Variants in FSTL5 observed in about 807,000 individuals in gnomAD.
FSTL5 encodes follistatin-related protein 5.
In FSTL5, 62 loss-of-function variants were observed where a neutral mutation model predicts 89.1. That is an observed-to-expected ratio of 0.70 (90% confidence interval 0.57 to 0.86). FSTL5 has a LOEUF of 0.86. Among genes scored for constraint, FSTL5 ranks in the 40% least tolerant of loss-of-function variants. The pLI, the probability that FSTL5 is intolerant of heterozygous loss-of-function variation, is 0.00. For synonymous variants in FSTL5, 383 were observed against 346.2 expected, an observed-to-expected ratio of 1.11 and a Z score of -1.18; for missense variants, 1,057 against 1,001.6, an observed-to-expected ratio of 1.06 and a Z score of -0.75.
chr4:161,748,631 C>G (rs1168105756), intron 6 of FSTL5, among the ~76,000 whole-genome samples: 1 of 117,508 alleles, frequency 8.5e-6, no homozygotes, highest in African/African-American at 3.1e-5. Flanking sequence ...TTTTTTTTCT[C>G]AGACTGAACA....
chr4:161,459,426 T>A, intron 13 of FSTL5, 107 bp from the exon 14 acceptor site: 1 of 632,792 alleles, frequency 1.6e-6, no homozygotes, highest in Non-Finnish European at 2.7e-6. Flanking sequence ...AAAAATTTAA[T>A]TTGCCAAATA....
chr4:161,877,698 C>T (rs376602010), intron 4 of FSTL5, among the ~76,000 whole-genome samples: 10 of 151,736 alleles, frequency 6.6e-5, no homozygotes, highest in African/African-American at 2.4e-4. Context: ...TTGTGGCGGG[C>T]CCCTGTAGTC....
At chr4:161,538,048 ATTT>A in intron 10 of FSTL5, 115 bp downstream of exon 10, 7 of 852,982 alleles carry the variant, frequency 8.2e-6, no homozygotes, top group Non-Finnish European at 1.3e-5. Flanking sequence ...TATAAAATCT[ATTT>A]GTTATAATGC....
At chr4:161,807,979 G>C (rs1730019784) in intron 4 of FSTL5, among the ~76,000 whole-genome samples, 1 of 152,122 alleles carries the variant, frequency 6.6e-6, no homozygotes, top group Non-Finnish European at 1.5e-5. Flanking sequence ...CAAAGAGCAC[G>C]AATAATATTT....
chr4:161,632,349 G>A lies in FSTL5; in HGVS notation c.894+23979C>T, dbSNP rs1000169284. 3.3e-5 allele frequency among the ~76,000 whole-genome samples: 5 copies of A among 152,166 alleles called. No homozygotes were observed. In the South Asian group the frequency reaches 1.0e-3, roughly 32 times the overall value. ...GAGCAGAGATCACGCCACTGTGTTCGAGCCCTGGCGACAGACTGAGACTCC... is the reference window on the plus strand; with the variant it reads ...GAGCAGAGATCACGCCACTGTGTTCAAGCCCTGGCGACAGACTGAGACTCC... On this transcript the variant is annotated intron_variant, in intron 7 of 15. Coordinates refer to ENST00000306100, the MANE Select transcript of FSTL5 (RefSeq NM_020116.5).
intron 4 of FSTL5, 88 bp from the exon 5 acceptor site, chr4:161,776,162 A>ATTTATAATTATGT: frequency 1.5e-6 from 1 of 672,204 alleles, no homozygotes; most frequent in South Asian, 3.5e-5. Flanking sequence ...TTTTATGAAT[A>ATTTATAATTATGT]ACATACTATG....
At chr4:161,691,578 A>G (rs774956646) in intron 6 of FSTL5, among the ~76,000 whole-genome samples, 1 of 152,140 alleles carries the variant, frequency 6.6e-6, no homozygotes, top group Non-Finnish European at 1.5e-5. Flanking sequence ...TTTTGATAGG[A>G]ATTCCACTTA....
intron 6 of FSTL5, among the ~76,000 whole-genome samples, chr4:161,706,194 A>G (rs1272481601): frequency 6.6e-6 from 1 of 151,102 alleles, no homozygotes; most frequent in Non-Finnish European, 1.5e-5. Context: ...ATTATCTATC[A>G]AATCATTTGG....
chr4:161,405,668 G>A (rs564245381), intron 15 of FSTL5, among the ~76,000 whole-genome samples: 3 of 152,084 alleles, frequency 2.0e-5, no homozygotes, highest in African/African-American at 7.2e-5. Context: ...ATTTACTAAC[G>A]TACATGAATC....
At chr4:161,395,450 G>A (rs1228082868) in intron 15 of FSTL5, among the ~76,000 whole-genome samples, 1 of 151,964 alleles carries the variant, frequency 6.6e-6, no homozygotes, top group East Asian at 1.9e-4. Context: ...AATTAAAAAT[G>A]ACTGAAATAA....
At chr4:162,129,222 G>A (rs1222006796) in intron 1 of FSTL5, among the ~76,000 whole-genome samples, 2 of 152,074 alleles carry the variant, frequency 1.3e-5, no homozygotes, top group Non-Finnish European at 2.9e-5. Flanking sequence ...TGTGAACGAC[G>A]GCGCCTGGCC....
rs371088449 is a variant in FSTL5, at chr4:161,447,916, C to T, written c.1841+7088G>A. Among the ~76,000 whole-genome samples the T allele has an allele frequency of 2.6e-5, 4 of 152,046 alleles. No homozygotes were observed. The East Asian group carries it at 7.7e-4, about 29-fold the overall frequency. ...TTGACAAACAATTTATGAATATCTT[C>T]TGTTTTCAGATAGTGAAGTAGCTCT... is the stretch of plus-strand genomic sequence containing the variant. On this transcript the variant is annotated intron_variant, in intron 15 of 15. Coordinates refer to ENST00000306100, the MANE Select transcript of FSTL5 (RefSeq NM_020116.5).
intron 6 of FSTL5, among the ~76,000 whole-genome samples, chr4:161,723,429 A>T (rs1377611127): frequency 6.6e-6 from 1 of 152,238 alleles, no homozygotes; most frequent in African/African-American, 2.4e-5. Context: ...TCTCAAGGAC[A>T]TCAACAATCT....
In FSTL5 at chr4:161,699,338, T is replaced by C. The variant is rs146018946; in HGVS notation, c.728-42844A>G. ...ATAGAAATATTTTCACTATCAATTA[T>C]ATAATATTCAACATTTGCTGAACAT... is the stretch of plus-strand genomic sequence containing the variant. On this transcript the variant is annotated intron_variant, in intron 6 of 15. Transcript: ENST00000306100. Among the ~76,000 whole-genome samples the C allele has an allele frequency of 4.1e-3, 620 of 152,316 alleles. 3 individuals carry two copies. Among genetic ancestry groups the C allele is most frequent in the Middle Eastern group, 0.014 (4 of 294 alleles).
intron 3 of FSTL5, among the ~76,000 whole-genome samples, chr4:161,969,902 G>T (rs1379716439): frequency 6.6e-6 from 1 of 152,034 alleles, no homozygotes; most frequent in Non-Finnish European, 1.5e-5. Context: ...AAAAAATATG[G>T]TGTATGTTTG....
chr4:161,548,566 C>G (rs1732085925), intron 8 of FSTL5, among the ~76,000 whole-genome samples: 1 of 151,754 alleles, frequency 6.6e-6, no homozygotes, highest in South Asian at 2.1e-4. Flanking sequence ...TGAGTGTATA[C>G]TTCTTGAACT....
At chr4:162,013,747 T>C (rs1736836110) in intron 3 of FSTL5, among the ~76,000 whole-genome samples, 1 of 152,272 alleles carries the variant, frequency 6.6e-6, no homozygotes, top group East Asian at 1.9e-4. Flanking sequence ...GATTAAATTA[T>C]GTAAATAAAT....
chr4:161,616,801 A>G (rs1578970130), intron 7 of FSTL5, among the ~76,000 whole-genome samples: 1 of 149,780 alleles, frequency 6.7e-6, no homozygotes, highest in East Asian at 1.9e-4. Flanking sequence ...AACCACCCTG[A>G]CACATGTTTA....
chr4:161,734,356 C>T (rs1739718367), intron 6 of FSTL5, among the ~76,000 whole-genome samples: 1 of 152,136 alleles, frequency 6.6e-6, no homozygotes, highest in South Asian at 2.1e-4. Context: ...ATATACACCA[C>T]ATTGAAGCAA....
Sources: allele counts gnomAD v4.1 joint callset (sites outside exome capture counted in the v4.1 genomes callset), GRCh38; gene constraint gnomAD v4.1.1; transcripts MANE v1.5; gene names NCBI Gene and HGNC (gene_info 2026-07-23, HGNC 2026-07-21).